The following SORCS2 variants were observed in gnomAD, a reference collection of about 807,000 sequenced individuals.
SORCS2 encodes VPS10 domain-containing receptor SorCS2.
In SORCS2, 100 loss-of-function variants were observed where a neutral mutation model predicts 141.6. That is an observed-to-expected ratio of 0.71 (90% CI 0.60 to 0.83). The LOEUF (loss-of-function observed/expected upper bound fraction) is 0.83, where lower values mean the gene tolerates loss of function less well. Ranked by LOEUF, SORCS2 falls within the 40% of genes least tolerant of loss-of-function variation. The pLI, the probability that SORCS2 is intolerant of heterozygous loss-of-function variation, is 0.00. For missense variants in SORCS2, 1,646 were observed against 1,560.2 expected, an observed-to-expected ratio of 1.05 and a Z score of -0.93; for synonymous variants, 789 against 676.9, an observed-to-expected ratio of 1.17 and a Z score of -2.57.
At chr4:7,308,519 T>C (rs1717980071) in intron 1 of SORCS2, among the ~76,000 whole-genome samples, 1 of 152,136 alleles carries the variant, frequency 6.6e-6, no homozygotes, top group South Asian at 2.1e-4. Context: ...TCTAGAGCGG[T>C]GTCAGACTGG....
intron 14 of SORCS2, among the ~76,000 whole-genome samples, chr4:7,707,903 C>T (rs180906903): frequency 2.0e-3 from 310 of 152,036 alleles, no homozygotes; most frequent in Middle Eastern, 3.4e-3. Context: ...CAGGGCCCAG[C>T]CAGCACAGCT....
chr4:7,294,847 C>G (rs187235101), intron 1 of SORCS2, among the ~76,000 whole-genome samples: 2 of 23,004 alleles, frequency 8.7e-5, no homozygotes, highest in Non-Finnish European at 1.8e-4. Flanking sequence ...CTCCCTCCTC[C>G]CCCTCCTCCT....
chr4:7,605,403 G>A (rs751767005), intron 3 of SORCS2, among the ~76,000 whole-genome samples: 3 of 152,142 alleles, frequency 2.0e-5, no homozygotes, highest in Non-Finnish European at 4.4e-5. Context: ...TGTTCTTCGA[G>A]GAAAGGATAG....
chr4:7,531,561 C>T lies in SORCS2; in HGVS notation c.580C>T (p.Leu194Phe). The change falls in exon 3 of 27, where the codon CTC (leucine) becomes TTC (phenylalanine). Residue 194 changes from leucine to phenylalanine, a missense_variant. Leu to Phe is a conservative substitution (Grantham distance 22). Coordinates refer to ENST00000507866, the MANE Select transcript of SORCS2 (RefSeq NM_020777.3). The stretch of plus-strand genomic sequence containing the variant: ...AGATTTCGGGACGTCCTACACCAAG[C>T]TCACCCTCCAGCCTGGTGTCACCAC... ...SSDFGTSYTK[L>F]TLQPGVTTVI... is the part of the protein sequence containing the mutation. The T allele has an allele frequency of 1.9e-6, 3 of 1,613,938 alleles. No individual in the cohort carries two copies. The highest frequency in any genetic ancestry group is 2.5e-6 in the Non-Finnish European group (3 of 1,179,874).
intron 3 of SORCS2, among the ~76,000 whole-genome samples, chr4:7,611,922 C>T (rs1257732693): frequency 3.9e-5 from 6 of 152,222 alleles, no homozygotes; most frequent in Non-Finnish European, 7.3e-5. Context: ...GGATCCATGC[C>T]GAGAGGCCAG....
At chr4:7,621,131 T>C (rs547096753) in intron 3 of SORCS2, among the ~76,000 whole-genome samples, 4 of 152,230 alleles carry the variant, frequency 2.6e-5, no homozygotes, top group African/African-American at 9.6e-5. Context: ...GGGTAGGTCA[T>C]GTCCATCCTG....
chr4:7,208,349 G>A (rs1477877184), intron 1 of SORCS2, among the ~76,000 whole-genome samples: 1 of 152,196 alleles, frequency 6.6e-6, no homozygotes, highest in East Asian at 1.9e-4. Flanking sequence ...ATGGCCTCTG[G>A]TGGGCACTGT....
At chr4:7,452,345 T>C (rs1030401443) in intron 2 of SORCS2, among the ~76,000 whole-genome samples, 1 of 152,204 alleles carries the variant, frequency 6.6e-6, no homozygotes, top group African/African-American at 2.4e-5. Flanking sequence ...TTTCACCACA[T>C]TGGCCAGGCT....
chr4:7,700,815 A>G (rs997104100), intron 12 of SORCS2, among the ~76,000 whole-genome samples: 1 of 152,130 alleles, frequency 6.6e-6, no homozygotes, highest in Non-Finnish European at 1.5e-5. Flanking sequence ...CTGCGACCCC[A>G]CCACCCACAA....
chr4:7,736,570 A>C (rs910220998), intron 25 of SORCS2, among the ~76,000 whole-genome samples: 1 of 152,174 alleles, frequency 6.6e-6, no homozygotes, highest in African/African-American at 2.4e-5. Flanking sequence ...CAGTGGAGGC[A>C]GCGGGGCTGT....
At chr4:7,625,217 G>A (rs1719441279) in intron 3 of SORCS2, among the ~76,000 whole-genome samples, 1 of 152,086 alleles carries the variant, frequency 6.6e-6, no homozygotes, top group Admixed American at 6.6e-5. Flanking sequence ...TGTTTGAGTG[G>A]CTGTTTTACT....
chr4:7,289,081 A>G (rs1243066333), intron 1 of SORCS2, among the ~76,000 whole-genome samples: 2 of 152,164 alleles, frequency 1.3e-5, no homozygotes, highest in Non-Finnish European at 1.5e-5. Context: ...CAGAGCTAGC[A>G]ATGGAAAACA....
chr4:7,542,054 C>G (rs1487101352), intron 3 of SORCS2, among the ~76,000 whole-genome samples: 1 of 152,188 alleles, frequency 6.6e-6, no homozygotes, highest in Non-Finnish European at 1.5e-5. Flanking sequence ...AATTGCCCAG[C>G]AGAGCTCCAA....
chr4:7,326,516 G>A (rs1298462062), intron 1 of SORCS2, among the ~76,000 whole-genome samples: 4 of 152,156 alleles, frequency 2.6e-5, no homozygotes, highest in African/African-American at 9.7e-5. Flanking sequence ...TGGGAACCTT[G>A]CCGAGGTCTG....
intron 2 of SORCS2, among the ~76,000 whole-genome samples, chr4:7,474,721 C>T (rs987889723): frequency 6.6e-6 from 1 of 152,148 alleles, no homozygotes; most frequent in African/African-American, 2.4e-5. Context: ...TCTGGAAGTT[C>T]CAGAAGTCTC....
intron 2 of SORCS2, among the ~76,000 whole-genome samples, chr4:7,526,904 C>G (rs947355018): frequency 6.6e-6 from 1 of 152,214 alleles, no homozygotes; most frequent in Non-Finnish European, 1.5e-5. Flanking sequence ...AAGATGATGT[C>G]AACATGTAAT....
rs369917957 is a variant in SORCS2, at chr4:7,376,461, C to G, written c.481-19827C>G. 4.3e-3 allele frequency among the ~76,000 whole-genome samples: 647 copies of G among 152,182 alleles called. 2 individuals are homozygous for G. Among genetic ancestry groups the G allele is most frequent in the African/African-American group, 0.015 (609 of 41,512 alleles). ...GTGTGGTGGTGGGCGCCTATAATCCCAGCTACTCCGGAGGCTGAGGCAGGA... is the reference window on the plus strand; with the variant it reads ...GTGTGGTGGTGGGCGCCTATAATCCGAGCTACTCCGGAGGCTGAGGCAGGA... On this transcript the variant is annotated intron_variant, in intron 1 of 26. Transcript: ENST00000507866.
At chr4:7,725,119 T>C (rs371384085) in intron 19 of SORCS2, 35 bp from the exon 20 acceptor site, 11 of 1,602,256 alleles carry the variant, frequency 6.9e-6, no homozygotes, top group African/African-American at 1.3e-5. Context: ...CATGCCCTGA[T>C]ATCATCTAAC....
chr4:7,685,545 C>A (rs1723819623), intron 10 of SORCS2, among the ~76,000 whole-genome samples: 1 of 152,164 alleles, frequency 6.6e-6, no homozygotes, highest in Non-Finnish European at 1.5e-5. Flanking sequence ...GTGGCACATG[C>A]CTATAATCCC....
Sources: allele counts gnomAD v4.1 joint callset (sites outside exome capture counted in the v4.1 genomes callset), GRCh38; gene constraint gnomAD v4.1.1; transcripts MANE v1.5; gene names NCBI Gene and HGNC (gene_info 2026-07-23, HGNC 2026-07-21).